Variants in NUAK1 observed in about 807,000 individuals in gnomAD.
NUAK1 encodes the protein NUAK family SNF1-like kinase 1.
NUAK1 carries 26 observed loss-of-function variants against 56.9 expected under a neutral mutation model. The observed-to-expected ratio is 0.46, with a 90% CI of 0.33 to 0.63. The LOEUF is 0.63. NUAK1 is among the 30% of genes least tolerant of loss of function. The pLI, the probability that NUAK1 is intolerant of heterozygous loss-of-function variation, is 0.02. For missense variants in NUAK1, 727 were observed against 876.1 expected, an observed-to-expected ratio of 0.83 and a Z score of 2.15; for synonymous variants, 337 against 336.0, an observed-to-expected ratio of 1.00 and a Z score of -0.03.
At chr12:106,115,306 A>G (rs1054663851) in intron 1 of NUAK1, among the ~76,000 whole-genome samples, 3 of 152,236 alleles carry the variant, frequency 2.0e-5, no homozygotes, top group African/African-American at 7.2e-5. Flanking sequence ...ATGACTTTCT[A>G]TCTTATTTTA....
intron 2 of NUAK1, among the ~76,000 whole-genome samples, chr12:106,091,286 T>A (rs1409447351): frequency 1.3e-5 from 2 of 152,226 alleles, no homozygotes; most frequent in African/African-American, 4.8e-5. Flanking sequence ...TAAGGAAAAC[T>A]ATGGCCCTTG....
At chr12:106,099,117 TAC>T (rs2032724329) in intron 2 of NUAK1, among the ~76,000 whole-genome samples, 1 of 152,220 alleles carries the variant, frequency 6.6e-6, no homozygotes, top group Non-Finnish European at 1.5e-5. Flanking sequence ...CGTTTGTATT[TAC>T]ACAGAGTTGA....
chr12:106,096,775 A>T (rs1234291045), intron 2 of NUAK1, among the ~76,000 whole-genome samples: 2 of 152,214 alleles, frequency 1.3e-5, no homozygotes, highest in Admixed American at 6.5e-5. Context: ...CACTGATGAC[A>T]AACGATCAGA....
chr12:106,074,034 C>G (rs941157433), intron 4 of NUAK1, among the ~76,000 whole-genome samples: 2 of 151,904 alleles, frequency 1.3e-5, no homozygotes, highest in Non-Finnish European at 2.9e-5. Flanking sequence ...TACAAATATA[C>G]ACATATACAC....
At chr12:106,124,704 G>T (rs768649114) in intron 1 of NUAK1, among the ~76,000 whole-genome samples, 1 of 152,122 alleles carries the variant, frequency 6.6e-6, no homozygotes, top group East Asian at 1.9e-4. Flanking sequence ...CACAGAAAAT[G>T]CAATCAATAA....
rs1329390301 is a variant in NUAK1 at position 106,097,010 on chromosome 12, C to T, written c.361+9395G>A. 2.6e-5 allele frequency among the ~76,000 whole-genome samples: 4 copies of T among 152,338 alleles called. No individual in the cohort carries two copies. The East Asian group carries it at 7.7e-4, about 29-fold the overall frequency. On this transcript the variant is annotated intron_variant, in intron 2 of 6. Coordinates refer to ENST00000261402, the MANE Select transcript of NUAK1 (RefSeq NM_014840.3). ...TCCAATCTCCCGACAGAAGTTTCTACTCCAGCCAGAAAGGACATCTCACTG... is the reference window on the plus strand; with the variant it reads ...TCCAATCTCCCGACAGAAGTTTCTATTCCAGCCAGAAAGGACATCTCACTG...
At chr12:106,080,240 G>C (rs911373700) in intron 4 of NUAK1, among the ~76,000 whole-genome samples, 1 of 152,188 alleles carries the variant, frequency 6.6e-6, no homozygotes, top group Non-Finnish European at 1.5e-5. Context: ...TGTCTTAAGG[G>C]GCAGCAGGCC....
intron 1 of NUAK1, among the ~76,000 whole-genome samples, chr12:106,127,277 A>G (rs1212223422): frequency 3.3e-5 from 5 of 152,022 alleles, no homozygotes; most frequent in African/African-American, 1.2e-4. Flanking sequence ...CAATCCTCCC[A>G]TCTTGGCCCC....
At position 106,136,857 on chromosome 12, in the gene NUAK1, G is replaced by A. The variant is rs559232566; in HGVS notation, c.240+1557C>T. Among the ~76,000 whole-genome samples, 7 of 152,262 alleles carry A rather than the reference G, an allele frequency of 4.6e-5. No homozygotes were observed. The South Asian group carries it at 1.5e-3, about 32-fold the overall frequency. The stretch of plus-strand genomic sequence containing the variant: ...GAAGAAAAGCATGAATGAAGTGCAC[G>A]TTTCCCAGCCTCTTCTTCCACAAAC... On this transcript the variant is annotated intron_variant, in intron 1 of 6. Transcript: ENST00000261402.
rs745412272 is a variant in NUAK1, at chr12:106,066,841, G to C, written c.1947C>G (p.Val649=). 1.9e-6 allele frequency: 3 copies of C among 1,614,012 alleles called. No individual in the cohort carries two copies. The highest frequency in any genetic ancestry group is 3.3e-5 in the Admixed American group (2 of 60,026). ...LLTDMDDVTQ[V]YKQALEICSK... is the part of the protein sequence containing the mutation. Reference sequence around the variant, plus strand: ...TGCAGATCTCCAGCGCTTGCTTGTAGACCTGAGTCACATCATCCATGTCTG... The same window carrying C: ...TGCAGATCTCCAGCGCTTGCTTGTACACCTGAGTCACATCATCCATGTCTG... Residue 649 remains valine, a synonymous_variant, in exon 7 of 7, where the codon GTC becomes GTG. Coordinates refer to ENST00000261402, the MANE Select transcript of NUAK1 (RefSeq NM_014840.3).
At chr12:106,130,982 G>A (rs1160451706) in intron 1 of NUAK1, among the ~76,000 whole-genome samples, 1 of 152,186 alleles carries the variant, frequency 6.6e-6, no homozygotes, top group East Asian at 1.9e-4. Context: ...CTCAAGGGGT[G>A]GGCTGGCATA....
chr12:106,105,103 G>A (rs1249228287), intron 2 of NUAK1, among the ~76,000 whole-genome samples: 2 of 151,828 alleles, frequency 1.3e-5, no homozygotes, highest in Non-Finnish European at 2.9e-5. Context: ...ACAGGCATGC[G>A]CCACCACACC....
intron 1 of NUAK1, among the ~76,000 whole-genome samples, chr12:106,135,532 T>C (rs2033120797): frequency 6.6e-6 from 1 of 152,236 alleles, no homozygotes; most frequent in Non-Finnish European, 1.5e-5. Context: ...CTCTCCTCTC[T>C]GAGAAGAACC....
At chr12:106,132,664 T>A (rs2033090812) in intron 1 of NUAK1, among the ~76,000 whole-genome samples, 1 of 152,186 alleles carries the variant, frequency 6.6e-6, no homozygotes, top group South Asian at 2.1e-4. Context: ...CTCCCTGACC[T>A]GATTCATTAC....
At chr12:106,111,448 T>C (rs1252700477) in intron 1 of NUAK1, among the ~76,000 whole-genome samples, 2 of 151,850 alleles carry the variant, frequency 1.3e-5, no homozygotes, top group Non-Finnish European at 2.9e-5. Context: ...TCTGGGCAGG[T>C]TGTATGTCGT....
At chr12:106,091,079 C>CA (rs906911635) in intron 2 of NUAK1, among the ~76,000 whole-genome samples, 3 of 152,032 alleles carry the variant, frequency 2.0e-5, no homozygotes, top group East Asian at 1.9e-4. Context: ...ATTCTTCTAG[C>CA]AAAAAAAGGC....
intron 4 of NUAK1, among the ~76,000 whole-genome samples, chr12:106,079,423 C>T (rs567148741): frequency 6.6e-6 from 1 of 152,322 alleles, no homozygotes; most frequent in African/African-American, 2.4e-5. Context: ...TCCTGCTCAG[C>T]ACTTCCAGAA....
intron 1 of NUAK1, among the ~76,000 whole-genome samples, chr12:106,118,457 T>G (rs932144835): frequency 6.6e-6 from 1 of 152,238 alleles, no homozygotes; most frequent in Non-Finnish European, 1.5e-5. Context: ...TTCTCTGGAA[T>G]GTAAAGCCTT....
chr12:106,129,224 T>C (rs1394518873), intron 1 of NUAK1, among the ~76,000 whole-genome samples: 1 of 152,224 alleles, frequency 6.6e-6, no homozygotes, highest in African/African-American at 2.4e-5. Context: ...GTGCATACAA[T>C]GCTAAGGGGA....
Sources: allele counts gnomAD v4.1 joint callset (sites outside exome capture counted in the v4.1 genomes callset), GRCh38; gene constraint gnomAD v4.1.1; transcripts MANE v1.5; gene names NCBI Gene and HGNC (gene_info 2026-07-23, HGNC 2026-07-21).